DACH2: variants seen among roughly 807,000 people sequenced by gnomAD.
DACH2 encodes dachshund homolog 2.
In DACH2, 17 loss-of-function variants were observed where a neutral mutation model predicts 35.8. The ratio of observed to expected loss-of-function variants is 0.48; its 90% CI spans 0.33 to 0.71. The LOEUF (loss-of-function observed/expected upper bound fraction) is 0.71, where lower values mean the gene tolerates loss of function less well. Among genes scored for constraint, DACH2 ranks in the 30% least tolerant of loss-of-function variants. The pLI is 0.02. For missense variants in DACH2, 469 were observed against 472.7 expected, an observed-to-expected ratio of 0.99 and a Z score of 0.07; for synonymous variants, 195 against 177.3, an observed-to-expected ratio of 1.10 and a Z score of -0.79.
chrX:86,602,676 T>C (rs1165981171), intron 3 of DACH2, among the ~76,000 whole-genome samples: 1 of 112,025 alleles, frequency 8.9e-6, no homozygotes, highest in Admixed American at 9.5e-5. Context: ...TCTTTTGTCA[T>C]ATCTTATTGG....
Position 86,244,346 on chromosome X carries a change from A to G in DACH2, c.488+95238A>G, listed in dbSNP as rs548431870. Among the ~76,000 whole-genome samples, 286 of 112,435 alleles carry G rather than the reference A, an allele frequency of 2.5e-3. 2 individuals are homozygous for G. The highest frequency in any genetic ancestry group is 8.8e-3 in the African/African-American group (274 of 31,028). ...ATACTGAATAAATTCGTGGGAAGAT[A>G]CAATCATAGCTAACTTAGGGATGGT... On this transcript the variant is annotated intron_variant, in intron 1 of 11. Transcript: ENST00000373125.
chrX:86,397,171 T>G (rs748078289), intron 2 of DACH2, among the ~76,000 whole-genome samples: 1 of 111,043 alleles, frequency 9.0e-6, no homozygotes, highest in South Asian at 3.8e-4. Context: ...GGGAGTTCAC[T>G]CATGATTTGG....
intron 2 of DACH2, among the ~76,000 whole-genome samples, chrX:86,442,921 C>T (rs752239531): frequency 9.0e-6 from 1 of 111,486 alleles, no homozygotes; most frequent in African/African-American, 3.3e-5. Context: ...TCTTTTCTGT[C>T]CCATGGGTCT....
chrX:86,294,955 C>G (rs750180830), intron 1 of DACH2, among the ~76,000 whole-genome samples: 3 of 111,836 alleles, frequency 2.7e-5, no homozygotes, highest in Non-Finnish European at 5.7e-5. Flanking sequence ...CCACCCAGTT[C>G]GAGCTTCCTG....
chrX:86,191,256 A>C (rs1263227160), intron 1 of DACH2, among the ~76,000 whole-genome samples: 15 of 112,163 alleles, frequency 1.3e-4, no homozygotes, highest in Non-Finnish European at 2.4e-4. Flanking sequence ...GACTGGATAA[A>C]GAAAATGTGG....
chrX:86,606,018 G>A (rs1371611232), intron 3 of DACH2, among the ~76,000 whole-genome samples: 2 of 110,865 alleles, frequency 1.8e-5, no homozygotes, highest in Non-Finnish European at 3.8e-5. Flanking sequence ...TGATACTTTT[G>A]ATTTTGACAT....
At chrX:86,242,361 C>T (rs2033183767) in intron 1 of DACH2, among the ~76,000 whole-genome samples, 1 of 111,986 alleles carries the variant, frequency 8.9e-6, no homozygotes, top group South Asian at 3.7e-4. Flanking sequence ...TTATTGAGTG[C>T]CCTGCTGCAT....
At chrX:86,343,898 A>G (rs981282255) in intron 1 of DACH2, among the ~76,000 whole-genome samples, 1 of 110,766 alleles carries the variant, frequency 9.0e-6, no homozygotes, top group Admixed American at 9.7e-5. Flanking sequence ...AAGGATGATT[A>G]CCAGAGGCTG....
intron 1 of DACH2, among the ~76,000 whole-genome samples, chrX:86,349,778 A>T (rs905657587): frequency 3.1e-4 from 34 of 110,639 alleles, no homozygotes; most frequent in African/African-American, 1.1e-3. Flanking sequence ...TTTTTTTTTA[A>T]TTTTTCTGTG....
At chrX:86,626,869 C>T (rs1022946506) in intron 3 of DACH2, among the ~76,000 whole-genome samples, 4 of 112,760 alleles carry the variant, frequency 3.5e-5, no homozygotes, top group African/African-American at 1.3e-4. Context: ...GCTAGGCCTC[C>T]TGGCTTGTGA....
chrX:86,542,141 G>A (rs1044757849), intron 3 of DACH2, among the ~76,000 whole-genome samples: 4 of 111,327 alleles, frequency 3.6e-5, no homozygotes, highest in South Asian at 7.5e-4. Flanking sequence ...TTCTCTGCGT[G>A]TTTGCTTCTC....
At chrX:86,519,979 G>A (rs2038529033) in intron 3 of DACH2, among the ~76,000 whole-genome samples, 1 of 110,482 alleles carries the variant, frequency 9.1e-6, no homozygotes, top group Admixed American at 9.7e-5. Context: ...TTCTCTAATT[G>A]TATCAGTTGT....
intron 1 of DACH2, among the ~76,000 whole-genome samples, chrX:86,327,460 T>C (rs765787882): frequency 2.4e-4 from 27 of 111,844 alleles, no homozygotes; most frequent in Non-Finnish European, 4.5e-4. Context: ...TTTCACTGAT[T>C]GGCAATTCCA....
At chrX:86,722,580 C>T (rs1459668575) in intron 6 of DACH2, among the ~76,000 whole-genome samples, 3 of 109,927 alleles carry the variant, frequency 2.7e-5, no homozygotes, top group Non-Finnish European at 5.7e-5. Flanking sequence ...CTAGGCTGAC[C>T]TGGAATTTCT....
intron 2 of DACH2, among the ~76,000 whole-genome samples, chrX:86,483,058 C>T (rs1278736578): frequency 9.4e-6 from 1 of 105,963 alleles, no homozygotes; most frequent in African/African-American, 3.5e-5. Flanking sequence ...TTAGTGGGTG[C>T]AGCACACCAG....
chrX:86,308,741 A>G, intron 1 of DACH2, among the ~76,000 whole-genome samples: 1 of 111,556 alleles, frequency 9.0e-6, no homozygotes, highest in East Asian at 2.8e-4. Context: ...TGCACTGGGG[A>G]AAGGGAAATG....
chrX:86,526,952 A>T (rs978282815), intron 3 of DACH2, among the ~76,000 whole-genome samples: 8 of 110,297 alleles, frequency 7.3e-5, no homozygotes, highest in Non-Finnish European at 1.3e-4. Context: ...AATATAGAAA[A>T]CCCTTTCTCC....
At chrX:86,269,615 G>T (rs933950930) in intron 1 of DACH2, among the ~76,000 whole-genome samples, 4 of 111,425 alleles carry the variant, frequency 3.6e-5, no homozygotes, top group Admixed American at 9.6e-5. Flanking sequence ...AACAGAATAT[G>T]CTGTTCTTTA....
chrX:86,240,923 G>GT (rs1246062763), intron 1 of DACH2, among the ~76,000 whole-genome samples: 1 of 111,531 alleles, frequency 9.0e-6, no homozygotes, highest in Non-Finnish European at 1.9e-5. Flanking sequence ...CACCATGATT[G>GT]TAAGTTTCCT....
Sources: allele counts gnomAD v4.1 joint callset (sites outside exome capture counted in the v4.1 genomes callset), GRCh38; gene constraint gnomAD v4.1.1; transcripts MANE v1.5; gene names NCBI Gene and HGNC (gene_info 2026-07-23, HGNC 2026-07-21).